SLC30A8: variants seen among roughly 807,000 people sequenced by gnomAD.
SLC30A8 encodes the protein solute carrier family 30 member 8, also known as proton-coupled zinc antiporter SLC30A8.
Under a neutral mutation model 36.9 loss-of-function variants are expected in SLC30A8, and 27 were observed. The ratio of observed to expected loss-of-function variants is 0.73; its 90% CI spans 0.54 to 1.01. The LOEUF is 1.01. SLC30A8 is among the 50% of genes least tolerant of loss of function. The probability of loss-of-function intolerance (pLI) is 0.00; values close to 1 mark genes in which losing one functional copy is unlikely to be tolerated. For synonymous variants in SLC30A8, 164 were observed against 172.4 expected, an observed-to-expected ratio of 0.95 and a Z score of 0.38; for missense variants, 439 against 452.0, an observed-to-expected ratio of 0.97 and a Z score of 0.26.
At chr8:117,149,896 C>G (rs1218957084) in intron 2 of SLC30A8, among the ~76,000 whole-genome samples, 1 of 152,176 alleles carries the variant, frequency 6.6e-6, no homozygotes, top group Admixed American at 6.5e-5. Context: ...AAACAGCCCT[C>G]CCATCACAGG....
At chr8:116,985,763 A>AT (rs1293341276) in intron 1 of SLC30A8, among the ~76,000 whole-genome samples, 3 of 152,078 alleles carry the variant, frequency 2.0e-5, no homozygotes, top group Non-Finnish European at 2.9e-5. Flanking sequence ...AAATTACCTA[A>AT]TTTTTTATTT....
intron 1 of SLC30A8, among the ~76,000 whole-genome samples, chr8:117,002,676 C>T (rs1265996299): frequency 2.0e-5 from 3 of 152,124 alleles, no homozygotes; most frequent in African/African-American, 7.2e-5. Context: ...GCAATCTTGG[C>T]TCACTTGAAC....
Position 117,097,663 on chromosome 8 carries a change from A to G in SLC30A8, c.-225-37617A>G, listed in dbSNP as rs1219060024. ...TATAATTTTAAATAATATATATAAT[A>G]TATAATTTTAAATAATATATATTAT... On this transcript the variant is annotated intron_variant, in intron 2 of 10. Transcript: ENST00000427715. Among the ~76,000 whole-genome samples, 267 of 39,528 alleles carry G rather than the reference A, an allele frequency of 6.8e-3. 47 individuals are homozygous for G. The highest frequency in any genetic ancestry group is 0.013 in the African/African-American group (35 of 2,748). The allele number at this position is 39,528 out of a possible 152,430, so 25.9% of individuals were successfully genotyped here.
At chr8:117,117,283 G>A (rs1160224234) in intron 2 of SLC30A8, among the ~76,000 whole-genome samples, 1 of 151,628 alleles carries the variant, frequency 6.6e-6, no homozygotes, top group Admixed American at 6.6e-5. Flanking sequence ...AGGTATTATT[G>A]TCATCCCAAT....
intron 2 of SLC30A8, among the ~76,000 whole-genome samples, chr8:117,103,266 G>A (rs1338250049): frequency 6.6e-6 from 1 of 151,996 alleles, no homozygotes; most frequent in Non-Finnish European, 1.5e-5. Flanking sequence ...GAGGAAAAAA[G>A]GGGTGATGAG....
intron 1 of SLC30A8, among the ~76,000 whole-genome samples, chr8:116,961,592 A>G (rs1452324509): frequency 2.0e-5 from 3 of 152,014 alleles, no homozygotes; most frequent in African/African-American, 4.8e-5. Context: ...TTGTGCTGCT[A>G]TAACAGAATA....
chr8:117,133,072 A>G (rs1178797697), upstream of SLC30A8, among the ~76,000 whole-genome samples: 2 of 152,050 alleles, frequency 1.3e-5, no homozygotes, highest in Non-Finnish European at 2.9e-5. Context: ...TGTAACATAC[A>G]TATCCACACA....
chr8:117,170,759 C>T (rs920660394), intron 6 of SLC30A8, among the ~76,000 whole-genome samples: 2 of 152,102 alleles, frequency 1.3e-5, no homozygotes, highest in African/African-American at 4.8e-5. Flanking sequence ...TTGGAAAAGG[C>T]ACAGTTAGTT....
At chr8:117,042,769 G>A (rs563339684) in intron 2 of SLC30A8, among the ~76,000 whole-genome samples, 41 of 152,088 alleles carry the variant, frequency 2.7e-4, no homozygotes, top group Non-Finnish European at 2.4e-4. Context: ...TCCGCCTCCC[G>A]GGTTCAAGCG....
intron 2 of SLC30A8, among the ~76,000 whole-genome samples, chr8:117,047,517 C>G (rs1817589372): frequency 6.6e-6 from 1 of 152,090 alleles, no homozygotes. Flanking sequence ...AGTACAGTTT[C>G]AAGGTGACTG....
intron 2 of SLC30A8, among the ~76,000 whole-genome samples, chr8:117,102,533 G>A (rs1487816004): frequency 6.6e-6 from 1 of 152,068 alleles, no homozygotes; most frequent in African/African-American, 2.4e-5. Flanking sequence ...GTAGTCCAAA[G>A]AAACAGAAAT....
In SLC30A8 at chr8:117,024,321, G is replaced by C. The variant is rs753380015; in HGVS notation, c.-265-14898G>C. On this transcript the variant is annotated intron_variant, in intron 1 of 10. Coordinates refer to the SLC30A8 transcript ENST00000427715. ...AAATTAATTTTCCTTTTGGAGTTTC[G>C]GCTAATTCTTTGAGCTATTACAAAT... Among the ~76,000 whole-genome samples the C allele has an allele frequency of 2.0e-5, 3 of 152,170 alleles. No individual in the cohort carries two copies. The South Asian group carries it at 6.2e-4, about 32-fold the overall frequency.
intron 1 of SLC30A8, among the ~76,000 whole-genome samples, chr8:117,142,523 T>C (rs1202528586): frequency 6.6e-6 from 1 of 152,268 alleles, no homozygotes; most frequent in Non-Finnish European, 1.5e-5. Context: ...TTGACCTCTT[T>C]ATATTTCACT....
At chr8:117,011,371 T>C (rs901008303) in intron 1 of SLC30A8, among the ~76,000 whole-genome samples, 3 of 152,264 alleles carry the variant, frequency 2.0e-5, no homozygotes, top group African/African-American at 7.2e-5. Context: ...ATGAAACTTA[T>C]CATTTTAGTC....
chr8:117,063,938 C>A (rs1818093132), intron 2 of SLC30A8, among the ~76,000 whole-genome samples: 1 of 152,106 alleles, frequency 6.6e-6, no homozygotes, highest in Admixed American at 6.5e-5. Flanking sequence ...CGAGAAAGGA[C>A]CACCTTTCAT....
intron 2 of SLC30A8, among the ~76,000 whole-genome samples, chr8:117,063,895 G>T (rs141457252): frequency 6.6e-6 from 1 of 152,096 alleles, no homozygotes; most frequent in African/African-American, 2.4e-5. Flanking sequence ...TAAAGGAAGC[G>T]GCTGTTTTGT....
At chr8:116,950,691 C>T (rs1199831020), upstream of SLC30A8, 2 of 152,194 alleles carry the variant, frequency 1.3e-5, no homozygotes, top group Non-Finnish European at 2.9e-5. Flanking sequence ...ACTAGTTGCT[C>T]TAAACTTCTG....
chr8:117,040,437 T>C (rs560863102), intron 2 of SLC30A8, among the ~76,000 whole-genome samples: 145 of 152,342 alleles, frequency 9.5e-4, no homozygotes, highest in Non-Finnish European at 1.6e-3. Flanking sequence ...GGAACTGATT[T>C]GTACTTAGCC....
intron 2 of SLC30A8, chr8:117,147,759 A>G (rs1821966607): frequency 6.6e-6 from 1 of 152,508 alleles, no homozygotes; most frequent in African/African-American, 2.4e-5. Flanking sequence ...GCTCTACTTG[A>G]GAATGATTCT....
Sources: gnomAD v4.1 joint callset for allele counts (sites outside exome capture counted in the v4.1 genomes callset) on GRCh38, gnomAD v4.1.1 for gene constraint, MANE v1.5 for transcripts, NCBI Gene and HGNC (gene_info 2026-07-23, HGNC 2026-07-21) for gene names.